MXRA7: variants seen among roughly 807,000 people sequenced by gnomAD.
MXRA7 encodes matrix-remodeling-associated protein 7.
Under a neutral mutation model 17.4 loss-of-function variants are expected in MXRA7, and 18 were observed. That is an observed-to-expected ratio of 1.03 (90% CI 0.71 to 1.53). The LOEUF (loss-of-function observed/expected upper bound fraction) is 1.53, where lower values mean the gene tolerates loss of function less well. Ranked by LOEUF, MXRA7 falls within the 40% of genes most tolerant of loss-of-function variation. MXRA7 has a pLI of 0.00. For synonymous variants in MXRA7, 70 were observed against 101.7 expected (o/e 0.69, Z 1.87); for missense variants, 141 against 209.3 (o/e 0.67, Z 2.01).
At chr17:76,684,665 G>A (rs755715793) in intron 3 of MXRA7, 86 of 444,510 alleles carry the variant, frequency 1.9e-4, no homozygotes, top group South Asian at 5.2e-4. Context: ...CCAAGAATCC[G>A]CTGTGTCCCG....
Position 76,679,583 on chromosome 17 carries a change from T to C in MXRA7, c.*1284A>G. ...ACACACAGTAATTGAGATCATCTAC[T>C]CAAAGTTTATTGGACTGAACAAAGG... On this transcript the variant is annotated 3_prime_UTR_variant, in exon 4 of 4. Transcript: ENST00000449428. 1.0e-6 allele frequency: 1 copy of C among 974,188 alleles called. No individual in the cohort carries two copies. Among genetic ancestry groups the C allele is most frequent in the Non-Finnish European group, 1.2e-6 (1 of 820,324 alleles). 60.3% of individuals were successfully genotyped at this position (974,188 alleles called of 1,614,324 possible).
chr17:76,692,054 A>C (rs996112869), intron 1 of MXRA7, among the ~76,000 whole-genome samples: 14 of 152,186 alleles, frequency 9.2e-5, no homozygotes, highest in African/African-American at 3.4e-4. Flanking sequence ...AGGCTGGTAC[A>C]CATTTAGATT....
chr17:76,701,686 G>T (rs569347064), intron 1 of MXRA7, among the ~76,000 whole-genome samples: 31 of 152,212 alleles, frequency 2.0e-4, no homozygotes, highest in African/African-American at 7.0e-4. Context: ...TTGTGGGTGG[G>T]GGGTGTCTGG....
At chr17:76,702,656 C>T (rs2076603183) in intron 1 of MXRA7, among the ~76,000 whole-genome samples, 1 of 151,822 alleles carries the variant, frequency 6.6e-6, no homozygotes, top group African/African-American at 2.4e-5. Flanking sequence ...TTGAGGCCAG[C>T]CTGGCCTGTA....
rs898403951 is a variant in MXRA7 at position 76,681,947 on chromosome 17, G to A, written c.501-1068C>T. 7.2e-5 allele frequency among the ~76,000 whole-genome samples: 11 copies of A among 152,232 alleles called. No homozygotes were observed. Among genetic ancestry groups the A allele is most frequent in the Non-Finnish European group, 1.5e-4 (10 of 68,032 alleles). On this transcript the variant is annotated intron_variant, in intron 3 of 3. Coordinates refer to ENST00000449428, the MANE Select transcript of MXRA7 (RefSeq NM_198530.4). The surrounding 1 kb of genome is among the most constrained non-coding windows in gnomAD (Gnocchi z 4.7). ...GCGGAACCCAGGGACGCCACCAGAG[G>A]CATGAAGTGTGTGAAACTCCGGCCC... is the stretch of plus-strand genomic sequence containing the variant.
intron 1 of MXRA7, among the ~76,000 whole-genome samples, chr17:76,706,492 AG>A (rs1300428375): frequency 6.6e-6 from 1 of 152,272 alleles, no homozygotes; most frequent in Non-Finnish European, 1.5e-5. Flanking sequence ...GCCATCAAAA[AG>A]GACCACACTG....
At position 76,681,073 on chromosome 17, in the gene MXRA7, C is replaced by G. The variant is rs528490778; in HGVS notation, c.501-194G>C. On this transcript the variant is annotated intron_variant, in intron 3 of 3. Coordinates refer to ENST00000449428, the MANE Select transcript of MXRA7 (RefSeq NM_198530.4). This position sits in a 1 kb window ranked among gnomAD's most constrained non-coding sequence, Gnocchi z 4.7. ...CAGCAAGACAGTCTGTGCCGCCAAG[C>G]CGGCCAGAGCTTGCAGAGCTCCCCT... 6.6e-6 allele frequency among the ~76,000 whole-genome samples: 1 copy of G among 152,316 alleles called. No homozygotes were observed. The highest frequency in any genetic ancestry group is 2.1e-4 in the South Asian group (1 of 4,824).
rs556854396 is a variant in MXRA7 at position 76,696,378 on chromosome 17, G to A, written c.343-8202C>T. Among the ~76,000 whole-genome samples the A allele has an allele frequency of 5.3e-5, 8 of 151,984 alleles. No individual in the cohort carries two copies. The East Asian group carries it at 1.4e-3, about 26-fold the overall frequency. On this transcript the variant is annotated intron_variant, in intron 1 of 3. Transcript: ENST00000449428. ...TCTATAAAAAATTAACAAATTAGCC[G>A]GGGGTGGTGGCATGTGCTTGTAGCC...
intron 1 of MXRA7, among the ~76,000 whole-genome samples, chr17:76,702,890 T>TATATACATATA (rs1251035840): frequency 6.7e-6 from 1 of 149,566 alleles, no homozygotes. Flanking sequence ...TATATATATA[T>TATATACATATA]CTTGAGGAGG....
chr17:76,688,463 G>C, intron 1 of MXRA7: 1 of 1,344,552 alleles, frequency 7.4e-7, no homozygotes, highest in Non-Finnish European at 9.5e-7. Context: ...TGAGGCTTCT[G>C]TGTGCCATTT....
In MXRA7 at chr17:76,688,108, C is replaced by A. The variant is rs770114401; in HGVS notation, c.406+5G>T. The A allele has an allele frequency of 1.2e-6, 2 of 1,613,300 alleles. No homozygotes were observed. Among genetic ancestry groups the A allele is most frequent in the Non-Finnish European group, 1.7e-6 (2 of 1,179,974 alleles). ...CCCCCTCATGAGCGCAGAGGTCCCACTCACCGTCCTCCTCCTCAGGCCCTT... is the reference window on the plus strand; with the variant it reads ...CCCCCTCATGAGCGCAGAGGTCCCAATCACCGTCCTCCTCCTCAGGCCCTT... On this transcript the variant is annotated splice_donor_5th_base_variant and intron_variant, in intron 2 of 3. Coordinates refer to ENST00000449428, the MANE Select transcript of MXRA7 (RefSeq NM_198530.4).
At chr17:76,698,484 C>T (rs1295281610) in intron 1 of MXRA7, among the ~76,000 whole-genome samples, 1 of 152,154 alleles carries the variant, frequency 6.6e-6, no homozygotes, top group Non-Finnish European at 1.5e-5. Context: ...ACTCAGCCAT[C>T]TCCCCCTCCA....
downstream of MXRA7, chr17:76,677,548 C>T: frequency 7.2e-7 from 1 of 1,397,008 alleles, no homozygotes; most frequent in Non-Finnish European, 1.0e-6. Context: ...AGGGTGGGGA[C>T]AGCATCAGGC....
intron 1 of MXRA7, among the ~76,000 whole-genome samples, chr17:76,695,086 G>T (rs1040190522): frequency 2.0e-5 from 3 of 152,150 alleles, no homozygotes; most frequent in African/African-American, 7.2e-5. Flanking sequence ...CTTGAACCCG[G>T]GAGGTGGGGG....
rs368265288 is a variant in MXRA7 at position 76,701,625 on chromosome 17, CAA to C, written c.342+8978_342+8979del. On this transcript the variant is annotated intron_variant, in intron 1 of 3. Transcript: ENST00000449428. ...ATGGGCATGAGCTCTTCCAGCAGGG[CAA>C]AGAGCAGAGGGAGTGTGCTGGGTAA... Among the ~76,000 whole-genome samples the C allele has an allele frequency of 6.9e-4, 105 of 151,720 alleles. 1 individual carries two copies. The South Asian group carries it at 0.013, about 19-fold the overall frequency.
intron 2 of MXRA7, among the ~76,000 whole-genome samples, chr17:76,686,360 A>T (rs1447840440): frequency 6.6e-6 from 1 of 152,074 alleles, no homozygotes; most frequent in Non-Finnish European, 1.5e-5. Flanking sequence ...GGCGCCTGTA[A>T]TCCCAGCTAC....
intron 3 of MXRA7, among the ~76,000 whole-genome samples, chr17:76,682,043 C>T (rs933578626): frequency 1.3e-5 from 2 of 152,354 alleles, no homozygotes; most frequent in South Asian, 2.1e-4. Flanking sequence ...TCTGGATTTA[C>T]AGACCTGACC....
intron 1 of MXRA7, among the ~76,000 whole-genome samples, chr17:76,691,847 T>G (rs1328205838): frequency 6.6e-6 from 1 of 152,202 alleles, no homozygotes; most frequent in Non-Finnish European, 1.5e-5. Context: ...TCTCCTATTA[T>G]GTGCAAAGGA....
At chr17:76,709,475 C>G (rs190142846) in intron 1 of MXRA7, 9 of 152,418 alleles carry the variant, frequency 5.9e-5, no homozygotes, top group Admixed American at 5.9e-4. Context: ...AGCGCCTGCT[C>G]AGAGGGGGTC....
Sources: allele counts gnomAD v4.1 joint callset (sites outside exome capture counted in the v4.1 genomes callset), GRCh38; gene constraint gnomAD v4.1.1; non-coding constraint Gnocchi (gnomAD v3.1); transcripts MANE v1.5; gene names NCBI Gene and HGNC (gene_info 2026-07-23, HGNC 2026-07-21).